Variants in ETF1 observed in about 807,000 individuals in gnomAD.
ETF1 encodes the protein eukaryotic translation termination factor 1, also known as eukaryotic peptide chain release factor subunit 1.
A neutral mutation model predicts 55.1 loss-of-function variants in ETF1; 4 were observed. That is an observed-to-expected ratio of 0.07 (90% CI 0.04 to 0.17). ETF1 has a LOEUF of 0.17. Ranked by LOEUF, ETF1 falls within the 10% of genes least tolerant of loss-of-function variation. ETF1 has a pLI of 1.00. For synonymous variants in ETF1, 157 were observed against 182.3 expected (o/e 0.86, Z 1.12); for missense variants, 142 against 523.6 (o/e 0.27, Z 7.11).
intron 2 of ETF1, among the ~76,000 whole-genome samples, chr5:138,538,713 T>C (rs571646783): frequency 7.9e-5 from 12 of 152,318 alleles, no homozygotes; most frequent in Admixed American, 6.5e-5. Flanking sequence ...GAGAATATTA[T>C]TTCCACCACC....
chr5:138,532,059 A>AAAAT (rs34771797), intron 2 of ETF1, among the ~76,000 whole-genome samples: 140,421 of 150,342 alleles, frequency 0.93, 65,738 homozygotes, highest in East Asian at 0.99. Flanking sequence ...AAAATAAAAT[A>AAAAT]AAATAAATAA....
At chr5:138,542,698 C>G in intron 2 of ETF1, 135 bp downstream of exon 2, 2 of 1,500,258 alleles carry the variant, frequency 1.3e-6, no homozygotes, top group South Asian at 2.5e-5. Flanking sequence ...GGGTCAGGGG[C>G]TACTACCCAG....
At position 138,511,164 on chromosome 5, in the gene ETF1, T is replaced by C; in HGVS notation, c.899A>G (p.Lys300Arg). The stretch of plus-strand genomic sequence containing the variant: ...TGTATCTTCAACGCCAAAACAGTAC[T>C]TGCCCGTGTCCTGGCTGATTTCATC... ...YFDEISQDTG[K>R]YCFGVEDTLK... The change falls in exon 8 of 11, where the codon AAG (lysine) becomes AGG (arginine). Residue 300 changes from lysine to arginine, a missense_variant. Around this residue, in one of 5 missense-constraint regions of ETF1, gnomAD observed 82 missense variants for 232.9 expected, o/e 0.35. Transcript: ENST00000360541. 2 of 1,614,096 alleles carry C rather than the reference T, an allele frequency of 1.2e-6. No homozygotes were observed. Among genetic ancestry groups the C allele is most frequent in the East Asian group, 4.5e-5 (2 of 44,884 alleles).
chr5:138,519,171 G>A (rs1187464161), intron 2 of ETF1: 3 of 984,780 alleles, frequency 3.0e-6, no homozygotes, highest in Non-Finnish European at 3.6e-6. Context: ...TGATAAATAA[G>A]GAGTGTCAAC....
chr5:138,512,791 T>C lies in ETF1; in HGVS notation c.705A>G (p.Glu235=). ...VLAGSADFKT[E]LSQSDMFDQR... ...GATCAAACATATCAGATTGACTTAG[T>C]TCAGTTTTAAAGTCAGCGGATCCAG... Residue 235 remains glutamate (E), a synonymous_variant, in exon 6 of 11, where the codon GAA becomes GAG. Coordinates refer to ENST00000360541, the MANE Select transcript of ETF1 (RefSeq NM_004730.4). The C allele has an allele frequency of 1.3e-6, 2 of 1,596,220 alleles. No homozygotes were observed. Among genetic ancestry groups the C allele is most frequent in the Non-Finnish European group, 1.7e-6 (2 of 1,174,108 alleles).
chr5:138,527,250 G>C (rs1250463223), intron 2 of ETF1, among the ~76,000 whole-genome samples: 2 of 152,124 alleles, frequency 1.3e-5, no homozygotes, highest in African/African-American at 4.8e-5. Flanking sequence ...TCAGAATTCT[G>C]TTTGGGTGTC....
intron 2 of ETF1, 142 bp from the exon 3 acceptor site, chr5:138,519,009 A>G: frequency 1.4e-6 from 2 of 1,460,480 alleles, no homozygotes; most frequent in Non-Finnish European, 1.8e-6. Context: ...TAGGGACTAT[A>G]TTAGTCTTGT....
chr5:138,525,161 A>ATT (rs1274961753), intron 2 of ETF1, among the ~76,000 whole-genome samples: 2 of 144,256 alleles, frequency 1.4e-5, no homozygotes, highest in African/African-American at 2.5e-5. Context: ...ACTATTAATA[A>ATT]TTTTTTTTTT....
intron 2 of ETF1, among the ~76,000 whole-genome samples, chr5:138,526,988 C>T (rs998532353): frequency 8.5e-5 from 13 of 152,186 alleles, no homozygotes; most frequent in African/African-American, 3.1e-4. Flanking sequence ...GCATGAGCCA[C>T]CATGCCTGAC....
intron 2 of ETF1, among the ~76,000 whole-genome samples, chr5:138,526,365 A>T (rs548518718): frequency 1.3e-5 from 2 of 152,256 alleles, no homozygotes; most frequent in East Asian, 3.9e-4. Flanking sequence ...AAATATCTCA[A>T]ATTGGGTCCT....
chr5:138,533,996 A>G (rs1397445545), intron 2 of ETF1, among the ~76,000 whole-genome samples: 1 of 152,180 alleles, frequency 6.6e-6, no homozygotes, highest in African/African-American at 2.4e-5. Flanking sequence ...ATTAGGAGGG[A>G]TGATTCTGTT....
intron 2 of ETF1, among the ~76,000 whole-genome samples, chr5:138,526,613 T>G (rs769961387): frequency 1.3e-5 from 2 of 152,150 alleles, no homozygotes; most frequent in Non-Finnish European, 2.9e-5. Flanking sequence ...CTTGGCTGAC[T>G]GCAACCTCCG....
intron 2 of ETF1, among the ~76,000 whole-genome samples, chr5:138,538,224 C>T (rs1271970814): frequency 7.1e-4 from 101 of 141,864 alleles, no homozygotes; most frequent in African/African-American, 1.2e-3. Flanking sequence ...GAGTTTCACT[C>T]TGTTGCCCAG....
intron 2 of ETF1, among the ~76,000 whole-genome samples, chr5:138,519,797 G>A (rs749998792): frequency 1.3e-5 from 2 of 152,116 alleles, no homozygotes; most frequent in Non-Finnish European, 2.9e-5. Flanking sequence ...CCAAACTCAA[G>A]TTTTTAGAAC....
intron 2 of ETF1, 54 bp from the exon 3 acceptor site, chr5:138,518,921 A>G: frequency 1.9e-6 from 3 of 1,593,890 alleles, no homozygotes; most frequent in South Asian, 2.2e-5. Context: ...AAGTAAACTC[A>G]TGTTTCTCTC....
chr5:138,507,806 A>T lies in ETF1; in HGVS notation c.*499T>A, dbSNP rs962277282. On this transcript the variant is annotated 3_prime_UTR_variant, in exon 11 of 11. Transcript: ENST00000360541. ...AAATGGTTCCAACATTTCACCACAT[A>T]TATTTCTTCTTACGCAGTCTAAGCT... 6.5e-6 allele frequency: 1 copy of T among 153,486 alleles called. No homozygotes were observed. Among genetic ancestry groups the T allele is most frequent in the African/African-American group, 2.4e-5 (1 of 41,462 alleles). The allele number at this position is 153,486 out of a possible 1,614,324, so 9.5% of individuals were successfully genotyped here. A position where few individuals can be genotyped will look rare whatever the true frequency, so the allele number is the denominator to read the frequency against.
chr5:138,514,426 G>A (rs997549645), intron 4 of ETF1, among the ~76,000 whole-genome samples: 5 of 152,108 alleles, frequency 3.3e-5, no homozygotes, highest in African/African-American at 7.2e-5. Context: ...GTGGTGACAC[G>A]TGCCTGTAGT....
At chr5:138,542,345 T>C (rs910702065) in intron 2 of ETF1, among the ~76,000 whole-genome samples, 1 of 152,172 alleles carries the variant, frequency 6.6e-6, no homozygotes, top group Admixed American at 6.5e-5. Flanking sequence ...TGGCCACCTC[T>C]GCTTCCCGTC....
At chr5:138,527,820 A>G in intron 2 of ETF1, among the ~76,000 whole-genome samples, 1 of 151,702 alleles carries the variant, frequency 6.6e-6, no homozygotes. Context: ...TTCCCCAGGC[A>G]GGAGTGCAGT....
Sources: gnomAD v4.1 joint callset for allele counts (sites outside exome capture counted in the v4.1 genomes callset) on GRCh38, gnomAD v4.1.1 for gene constraint, gnomAD v4.1.1 regional missense constraint, MANE v1.5 for transcripts, NCBI Gene and HGNC (gene_info 2026-07-23, HGNC 2026-07-21) for gene names.